The following ZNF443 variants were observed in gnomAD, a reference collection of about 807,000 sequenced individuals.
ZNF443 encodes the protein zinc finger protein 443, also known as Kruppel-type zinc finger (C2H2).
In ZNF443, 3 loss-of-function variants were observed where a neutral mutation model predicts 12.0. The observed-to-expected ratio is 0.25, with a 90% CI of 0.11 to 0.64. The LOEUF (loss-of-function observed/expected upper bound fraction) is 0.64. ZNF443 is among the 30% of genes least tolerant of loss of function. The probability of loss-of-function intolerance (pLI) is 0.84; values close to 1 mark genes in which losing one functional copy is unlikely to be tolerated. For missense variants in ZNF443, 770 were observed against 808.8 expected, an observed-to-expected ratio of 0.95 and a Z score of 0.58; for synonymous variants, 225 against 265.9, an observed-to-expected ratio of 0.85 and a Z score of 1.50.
At chr19:12,433,903 G>A (rs547961369) in intron 1 of ZNF443, among the ~76,000 whole-genome samples, 11 of 151,996 alleles carry the variant, frequency 7.2e-5, no homozygotes, top group Non-Finnish European at 1.2e-4. Context: ...TGAGGGTCTG[G>A]ACCTCATGAA....
In ZNF443 at chr19:12,430,095, T is replaced by C; in HGVS notation, c.*61A>G. 1 of 1,604,480 alleles carries C rather than the reference T, an allele frequency of 6.2e-7. No homozygotes were observed. ...CTATCTCCAATGTGTTTCGTACAAGTATCTGAAATGAAATAAAATTAATAA... is the reference window on the plus strand; with the variant it reads ...CTATCTCCAATGTGTTTCGTACAAGCATCTGAAATGAAATAAAATTAATAA... On this transcript the variant is annotated 3_prime_UTR_variant, in exon 4 of 4. Transcript: ENST00000301547.
Position 12,431,335 on chromosome 19 carries a change from T to C in ZNF443, c.837A>G (p.Lys279=). Reference sequence around the variant, plus strand: ...TAGAACACTGCTTACATTTATATGGTTTCTCCCCAGTATGTGTTCTTTCAT... The same window carrying C: ...TAGAACACTGCTTACATTTATATGGCTTCTCCCCAGTATGTGTTCTTTCAT... ...LRHERTHTGE[K]PYKCKQCSKA... Residue 279 remains lysine, a synonymous_variant, in exon 4 of 4, where the codon AAA becomes AAG. Coordinates refer to ENST00000301547, the MANE Select transcript of ZNF443 (RefSeq NM_005815.5). The C allele has an allele frequency of 4.3e-6, 7 of 1,614,094 alleles. No individual in the cohort carries two copies. Among genetic ancestry groups the C allele is most frequent in the Non-Finnish European group, 5.9e-6 (7 of 1,179,954 alleles).
In ZNF443 at chr19:12,432,372, A is replaced by C. The variant is rs1485006236; in HGVS notation, c.191+5T>G. ...ACATATCTTTCTCTTGTGAGTGTAAATTACCTTAGATTTTTCCTGGGATAT... is the reference window on the plus strand; with the variant it reads ...ACATATCTTTCTCTTGTGAGTGTAACTTACCTTAGATTTTTCCTGGGATAT... On this transcript the variant is annotated splice_donor_5th_base_variant and intron_variant, in intron 3 of 3. Transcript: ENST00000301547. 6.4e-7 allele frequency: 1 copy of C among 1,572,966 alleles called. No individual in the cohort carries two copies. Among genetic ancestry groups the C allele is most frequent in the Non-Finnish European group, 8.7e-7 (1 of 1,151,206 alleles).
chr19:12,440,905 C>T lies in ZNF443; in HGVS notation c.3+7G>A. On this transcript the variant is annotated splice_region_variant and intron_variant, in intron 1 of 3. Coordinates refer to ENST00000301547, the MANE Select transcript of ZNF443 (RefSeq NM_005815.5). ...CCCGCCTCGGGACGCCGGCCCAGCACACGCACCATTTCCCGACTTCCGCGG... is the reference window on the plus strand; with the variant it reads ...CCCGCCTCGGGACGCCGGCCCAGCATACGCACCATTTCCCGACTTCCGCGG... 1.9e-6 allele frequency: 3 copies of T among 1,614,148 alleles called. No individual in the cohort carries two copies. The highest frequency in any genetic ancestry group is 2.5e-6 in the Non-Finnish European group (3 of 1,180,002).
chr19:12,440,652 G>T (rs1970355502), intron 1 of ZNF443, among the ~76,000 whole-genome samples: 1 of 152,200 alleles, frequency 6.6e-6, no homozygotes, highest in African/African-American at 2.4e-5. Flanking sequence ...ACAATCTGGG[G>T]AGACCCGGGG....
At chr19:12,435,101 G>A (rs767625848) in intron 1 of ZNF443, among the ~76,000 whole-genome samples, 8 of 151,726 alleles carry the variant, frequency 5.3e-5, no homozygotes, top group East Asian at 1.9e-4. Flanking sequence ...CCTCAGCCTC[G>A]CAAGTAGCTG....
intron 1 of ZNF443, among the ~76,000 whole-genome samples, chr19:12,436,867 T>C (rs1970316021): frequency 7.6e-6 from 1 of 131,168 alleles, no homozygotes; most frequent in South Asian, 2.8e-4. Flanking sequence ...CTTATTCCTA[T>C]TGGATATCAT....
chr19:12,438,014 T>A (rs571387118), intron 1 of ZNF443, among the ~76,000 whole-genome samples: 1 of 150,994 alleles, frequency 6.6e-6, no homozygotes, highest in Non-Finnish European at 1.5e-5. Flanking sequence ...GGCAAGAGAA[T>A]CGCTTGAACG....
At chr19:12,437,479 T>C (rs901102283) in intron 1 of ZNF443, among the ~76,000 whole-genome samples, 2 of 148,626 alleles carry the variant, frequency 1.3e-5, no homozygotes, top group African/African-American at 2.5e-5. Context: ...AACACAATCA[T>C]ATAGACACCT....
At chr19:12,432,517 A>G in intron 2 of ZNF443, 80 bp from the exon 3 acceptor site, 3 of 1,011,800 alleles carry the variant, frequency 3.0e-6, no homozygotes, top group Non-Finnish European at 4.3e-6. Flanking sequence ...GTACACTGCA[A>G]TCGTTCAAAA....
chr19:12,438,643 G>GA (rs1389279329), intron 1 of ZNF443, among the ~76,000 whole-genome samples: 4 of 152,006 alleles, frequency 2.6e-5, no homozygotes, highest in Non-Finnish European at 4.4e-5. Context: ...CTTGGTAGTA[G>GA]TTATACTACT....
At chr19:12,438,671 C>A (rs890825950) in intron 1 of ZNF443, among the ~76,000 whole-genome samples, 1 of 152,058 alleles carries the variant, frequency 6.6e-6, no homozygotes, top group Non-Finnish European at 1.5e-5. Context: ...GAAATTCCAT[C>A]TGAAATCATC....
intron 1 of ZNF443, among the ~76,000 whole-genome samples, chr19:12,438,556 T>G (rs1970336220): frequency 6.6e-6 from 1 of 151,458 alleles, no homozygotes; most frequent in Admixed American, 6.6e-5. Context: ...TTAAATCTTT[T>G]TAATTCAATG....
chr19:12,437,920 CG>C (rs1447959860), intron 1 of ZNF443, among the ~76,000 whole-genome samples: 10 of 147,426 alleles, frequency 6.8e-5, no homozygotes, highest in African/African-American at 2.5e-4. Flanking sequence ...GGTGAAACCC[CG>C]TCTCTATTAA....
At chr19:12,436,366 G>A (rs555583927) in intron 1 of ZNF443, among the ~76,000 whole-genome samples, 1 of 150,710 alleles carries the variant, frequency 6.6e-6, no homozygotes, top group Admixed American at 6.6e-5. Flanking sequence ...TGTAATCCCA[G>A]CTACTTGGGA....
intron 1 of ZNF443, among the ~76,000 whole-genome samples, 177 bp from the exon 2 acceptor site, chr19:12,433,374 C>G (rs1249757218): frequency 2.0e-5 from 3 of 152,184 alleles, no homozygotes; most frequent in Non-Finnish European, 4.4e-5. Flanking sequence ...AACTCTGAAG[C>G]TACAGTTAAA....
At chr19:12,440,301 C>T (rs1173716351) in intron 1 of ZNF443, among the ~76,000 whole-genome samples, 2 of 151,918 alleles carry the variant, frequency 1.3e-5, no homozygotes, top group Admixed American at 6.6e-5. Flanking sequence ...GCCGGCTTCC[C>T]CATTGTGCCT....
intron 1 of ZNF443, among the ~76,000 whole-genome samples, chr19:12,435,546 A>G (rs1970300647): frequency 4.3e-5 from 3 of 69,316 alleles, no homozygotes; most frequent in Middle Eastern, 7.9e-3. Context: ...ATTTTCACAA[A>G]AGACACCGGA....
chr19:12,434,174 C>G (rs1422238020), intron 1 of ZNF443, among the ~76,000 whole-genome samples: 6 of 152,142 alleles, frequency 3.9e-5, no homozygotes, highest in Non-Finnish European at 8.8e-5. Flanking sequence ...TTATGAATTA[C>G]AAGAAACAGG....
Sources: allele counts gnomAD v4.1 joint callset (sites outside exome capture counted in the v4.1 genomes callset), GRCh38; gene constraint gnomAD v4.1.1; transcripts MANE v1.5; gene names NCBI Gene and HGNC (gene_info 2026-07-23, HGNC 2026-07-21).